Variants in ZNF69 observed in about 807,000 individuals in gnomAD.
ZNF69 encodes zinc finger protein 69, also known as ZNF3.
In ZNF69, 47 loss-of-function variants were observed where a neutral mutation model predicts 50.9. The ratio of observed to expected loss-of-function variants is 0.92; its 90% CI spans 0.73 to 1.18. ZNF69 has a LOEUF of 1.18. Ranked by LOEUF, ZNF69 falls within the 50% of genes most tolerant of loss-of-function variation. The pLI is 0.00. For missense variants in ZNF69, 717 were observed against 675.1 expected (o/e 1.06, Z -0.69); for synonymous variants, 216 against 223.1 (o/e 0.97, Z 0.29).
Position 11,904,912 on chromosome 19 carries a change from C to T in ZNF69, c.515C>T (p.Ala172Val). The T allele has an allele frequency of 6.2e-7, 1 of 1,614,146 alleles. No individual in the cohort carries two copies. Among genetic ancestry groups the T allele is most frequent in the Non-Finnish European group, 8.5e-7 (1 of 1,180,008 alleles). ...TGTAAGTGTCAACAACCTAAAAAAG[C>T]CTTCAGATATCACCCCTCCTTTAGA... Reference protein sequence around the residue: ...KPCKCQQPKKAFRYHPSFRTP... With the variant: ...KPCKCQQPKKVFRYHPSFRTP... Residue 172 changes from alanine to valine, a missense_variant, in exon 4 of 4, where the codon GCC becomes GTC. Transcript: ENST00000429654.
At chr19:11,921,572 G>C in the ZNF69 span, among the ~76,000 whole-genome samples, 1 of 151,496 alleles carries the variant, frequency 6.6e-6, no homozygotes, top group Non-Finnish European at 1.5e-5. Context: ...GCATAATCTC[G>C]GCTCACTGCA....
At chr19:11,970,057 G>A in the ZNF69 span, among the ~76,000 whole-genome samples, 1 of 152,174 alleles carries the variant, frequency 6.6e-6, no homozygotes, top group Non-Finnish European at 1.5e-5. Context: ...AATGCCTTAT[G>A]GTGGAGGAGA....
At chr19:11,944,245 A>G in the ZNF69 span, among the ~76,000 whole-genome samples, 26 of 152,290 alleles carry the variant, frequency 1.7e-4, no homozygotes, top group South Asian at 1.2e-3. Context: ...GGAAGTCCCC[A>G]TACTATGGGA....
rs1976981477 is a variant in ZNF69, at chr19:11,887,787, T to C, written c.-137T>C. On this transcript the variant is annotated 5_prime_UTR_variant, in exon 1 of 4. Coordinates refer to ENST00000429654, the MANE Select transcript of ZNF69 (RefSeq NM_001364730.1). ...ATTGTGGCGGGTCCCTGCCCACTGT[T>C]CCTCCAGACACTGAGGGGGTCGCAT... 2.0e-5 allele frequency: 12 copies of C among 595,078 alleles called. No homozygotes were observed. In the South Asian group the frequency reaches 2.1e-4, roughly 11 times the overall value. The allele number at this position is 595,078 out of a possible 1,614,324, so 36.9% of individuals were successfully genotyped here.
downstream of ZNF69, among the ~76,000 whole-genome samples, chr19:11,911,500 A>G (rs1035738801): frequency 1.3e-5 from 2 of 152,226 alleles, no homozygotes; most frequent in South Asian, 4.1e-4. Flanking sequence ...GCCATAAAAA[A>G]TGATGAGTTC....
the ZNF69 span, chr19:11,948,970 G>A: frequency 6.2e-7 from 1 of 1,608,612 alleles, no homozygotes; most frequent in Non-Finnish European, 8.5e-7. Context: ...AAAAGCATTT[G>A]CATATACCAG....
At chr19:11,948,980 G>C in the ZNF69 span, 34 of 1,607,940 alleles carry the variant, frequency 2.1e-5, 1 homozygote, top group East Asian at 6.5e-4. Flanking sequence ...GCATATACCA[G>C]TTCTCTTCGT....
downstream of ZNF69, among the ~76,000 whole-genome samples, chr19:11,919,185 G>C (rs547305531): frequency 7.8e-4 from 119 of 152,076 alleles, no homozygotes; most frequent in African/African-American, 2.8e-3. Context: ...GTGAGCCACC[G>C]CGCCTGGCCC....
At chr19:11,928,104 C>T in the ZNF69 span, among the ~76,000 whole-genome samples, 12 of 152,148 alleles carry the variant, frequency 7.9e-5, no homozygotes, top group Middle Eastern at 3.4e-3. Flanking sequence ...CAAGCACCTC[C>T]GCCTCTCAAG....
the ZNF69 span, among the ~76,000 whole-genome samples, chr19:11,941,338 G>A: frequency 2.6e-5 from 4 of 152,272 alleles, no homozygotes; most frequent in African/African-American, 7.2e-5. Context: ...GGGTGCTGTG[G>A]AGCAGGGGGC....
chr19:11,897,501 A>G (rs1234646749), intron 1 of ZNF69, among the ~76,000 whole-genome samples: 1 of 149,682 alleles, frequency 6.7e-6, no homozygotes, highest in Non-Finnish European at 1.5e-5. Flanking sequence ...GTTGAGCCTA[A>G]GAGTTCGAGG....
At chr19:11,939,197 G>C in the ZNF69 span, among the ~76,000 whole-genome samples, 2 of 152,158 alleles carry the variant, frequency 1.3e-5, no homozygotes, top group African/African-American at 4.8e-5. Context: ...TCTGATGGTA[G>C]TTTCTTTTGC....
At chr19:11,968,711 G>A in the ZNF69 span, among the ~76,000 whole-genome samples, 1 of 152,104 alleles carries the variant, frequency 6.6e-6, no homozygotes, top group East Asian at 1.9e-4. Context: ...GGAAATTAGT[G>A]TACTATAGAG....
chr19:11,978,680 A>C, the ZNF69 span: 1 of 1,614,158 alleles, frequency 6.2e-7, no homozygotes, highest in Non-Finnish European at 8.5e-7. Context: ...CTCACACTGG[A>C]GAAAAGCCTT....
At chr19:11,960,944 C>G in the ZNF69 span, among the ~76,000 whole-genome samples, 2 of 152,154 alleles carry the variant, frequency 1.3e-5, no homozygotes, top group Non-Finnish European at 2.9e-5. Context: ...TATAGACTTC[C>G]ATTTGCCCCT....
chr19:11,922,789 C>G, the ZNF69 span, among the ~76,000 whole-genome samples: 2 of 151,762 alleles, frequency 1.3e-5, no homozygotes, highest in Non-Finnish European at 2.9e-5. Flanking sequence ...AGGGTTTCCC[C>G]GGGGAGTCTG....
rs1413347012 is a variant in ZNF69 at position 11,906,088 on chromosome 19, G to A, written c.1691G>A (p.Cys564Tyr). 7 of 1,610,976 alleles carry A rather than the reference G, an allele frequency of 4.3e-6. No individual in the cohort carries two copies. The highest frequency in any genetic ancestry group is 1.6e-4 in the Middle Eastern group (1 of 6,072). Reference sequence around the variant, plus strand: ...CACCCTGAAGATAAACCCTATGAGTGTAAGCAATGAGGGAAAGCCTTCAGA... The same window carrying A: ...CACCCTGAAGATAAACCCTATGAGTATAAGCAATGAGGGAAAGCCTTCAGA... ...RTHPEDKPYECKQ is the reference protein window; with the variant it reads ...RTHPEDKPYEYKQ The change falls in exon 4 of 4, where the codon TGT becomes TAT. Residue 564 changes from cysteine (C) to tyrosine (Y), a missense_variant. Transcript: ENST00000429654.
the ZNF69 span, among the ~76,000 whole-genome samples, chr19:11,954,399 A>G: frequency 7.2e-5 from 11 of 152,190 alleles, no homozygotes; most frequent in African/African-American, 2.7e-4. Context: ...ATTTTAAGTA[A>G]TAGAGTCAGG....
At chr19:11,979,185 A>T in the ZNF69 span, 1 of 1,612,110 alleles carries the variant, frequency 6.2e-7, no homozygotes, top group South Asian at 1.1e-5. Flanking sequence ...CTGGAGAGAA[A>T]CCCTATAAAT....
Sources: allele counts gnomAD v4.1 joint callset (sites outside exome capture counted in the v4.1 genomes callset), GRCh38; gene constraint gnomAD v4.1.1; transcripts MANE v1.5; gene names NCBI Gene and HGNC (gene_info 2026-07-23, HGNC 2026-07-21).